The following FNDC3A variants were observed in gnomAD, a reference collection of about 807,000 sequenced individuals.
FNDC3A encodes the protein fibronectin type-III domain-containing protein 3A.
A neutral mutation model predicts 148.9 loss-of-function variants in FNDC3A; 32 were observed. The ratio of observed to expected loss-of-function variants is 0.21; its 90% confidence interval spans 0.16 to 0.29. FNDC3A has a LOEUF of 0.29. FNDC3A is among the 10% of genes least tolerant of loss of function. The pLI, the probability that FNDC3A is intolerant of heterozygous loss-of-function variation, is 1.00. For missense variants in FNDC3A, 1,191 were observed against 1,452.8 expected (o/e 0.82, Z 2.93); for synonymous variants, 472 against 473.6 (o/e 1.00, Z 0.04).
intron 2 of FNDC3A, among the ~76,000 whole-genome samples, chr13:49,037,994 G>A (rs1874626466): frequency 6.6e-6 from 1 of 152,160 alleles, no homozygotes; most frequent in South Asian, 2.1e-4. Flanking sequence ...GCTTTATTGA[G>A]TGGTAGAAGT....
intron 8 of FNDC3A, among the ~76,000 whole-genome samples, chr13:49,158,082 A>G (rs1030266348): frequency 3.2e-4 from 48 of 152,190 alleles, no homozygotes; most frequent in Middle Eastern, 3.4e-3. Context: ...TTGTTTACCT[A>G]AGCAAGCCAG....
intron 6 of FNDC3A, among the ~76,000 whole-genome samples, chr13:49,137,649 G>A (rs1882455156): frequency 6.6e-6 from 1 of 152,124 alleles, no homozygotes; most frequent in African/African-American, 2.4e-5. Context: ...TGGACTTTGA[G>A]CACTATTATT....
intron 2 of FNDC3A, among the ~76,000 whole-genome samples, chr13:49,019,430 G>C (rs915983965): frequency 1.3e-5 from 2 of 152,182 alleles, no homozygotes; most frequent in South Asian, 4.1e-4. Flanking sequence ...TTGTGCTTCC[G>C]GAGTGAGGCA....
At chr13:49,180,845 A>G (rs1299072522) in intron 14 of FNDC3A, among the ~76,000 whole-genome samples, 1 of 152,068 alleles carries the variant, frequency 6.6e-6, no homozygotes, top group African/African-American at 2.4e-5. Context: ...CAGTCAGCCA[A>G]GATTATGCCA....
chr13:49,201,994 C>A, intron 24 of FNDC3A, 28 bp downstream of exon 24: 1 of 1,357,012 alleles, frequency 7.4e-7, no homozygotes, highest in Non-Finnish European at 9.8e-7. Context: ...AACTTATTTT[C>A]TTTATAATAA....
At chr13:49,000,966 G>GTA (rs1331927035) in intron 1 of FNDC3A, among the ~76,000 whole-genome samples, 2 of 149,290 alleles carry the variant, frequency 1.3e-5, no homozygotes, top group Non-Finnish European at 3.0e-5. Flanking sequence ...TTGTGTGTTT[G>GTA]TGTGTGTGTG....
intron 2 of FNDC3A, chr13:49,044,246 A>T: frequency 4.9e-6 from 1 of 203,634 alleles, no homozygotes; most frequent in South Asian, 9.9e-5. Context: ...TTCCTCTACA[A>T]GCTGTCCTCC....
intron 7 of FNDC3A, 35 bp downstream of exon 7, chr13:49,138,840 T>TTAACATCTTATGC: frequency 9.0e-7 from 1 of 1,105,688 alleles, no homozygotes; most frequent in Non-Finnish European, 1.3e-6. Flanking sequence ...ATGTTTATAT[T>TTAACATCTTATGC]TAATATATTA....
intron 2 of FNDC3A, among the ~76,000 whole-genome samples, chr13:49,016,565 T>A (rs1321214449): frequency 6.6e-6 from 1 of 152,210 alleles, no homozygotes; most frequent in African/African-American, 2.4e-5. Flanking sequence ...CCTGGATTCA[T>A]TAATTTTTTG....
intron 8 of FNDC3A, among the ~76,000 whole-genome samples, chr13:49,161,620 T>G (rs554951531): frequency 6.6e-6 from 1 of 152,272 alleles, no homozygotes; most frequent in East Asian, 1.9e-4. Context: ...AAGTTAATAT[T>G]GTTATGCGTG....
intron 8 of FNDC3A, among the ~76,000 whole-genome samples, chr13:49,149,860 A>G (rs187427803): frequency 1.8e-3 from 268 of 152,164 alleles, no homozygotes; most frequent in African/African-American, 6.3e-3. Flanking sequence ...ATTCAATCTC[A>G]TTACTCGTTA....
At position 49,050,008 on chromosome 13, in the gene FNDC3A, C is replaced by T. The variant is rs187001585; in HGVS notation, c.100-25281C>T. Among the ~76,000 whole-genome samples the T allele has an allele frequency of 5.4e-3, 817 of 152,354 alleles. 6 individuals carry two copies. Among genetic ancestry groups the T allele is most frequent in the African/African-American group, 0.018 (765 of 41,584 alleles). ...GTGCTGAGATTATAGGCGTGAGCCA[C>T]GGCGAACAGCCTTCTCTCTTCTTTT... is the stretch of plus-strand genomic sequence containing the variant. On this transcript the variant is annotated intron_variant, in intron 2 of 25. Coordinates refer to ENST00000492622, the MANE Select transcript of FNDC3A (RefSeq NM_001079673.2).
At chr13:48,986,790 C>T (rs1951814822) in intron 1 of FNDC3A, among the ~76,000 whole-genome samples, 1 of 152,066 alleles carries the variant, frequency 6.6e-6, no homozygotes, top group East Asian at 1.9e-4. Context: ...AACAAAGAAT[C>T]TGGTCATCTC....
chr13:49,187,366 G>T, intron 16 of FNDC3A, 176 bp downstream of exon 16: 5 of 826,752 alleles, frequency 6.0e-6, no homozygotes, highest in South Asian at 1.6e-5. Context: ...AATGTCATAA[G>T]TTTATTGACA....
chr13:49,062,206 A>G (rs746404995), intron 2 of FNDC3A, among the ~76,000 whole-genome samples: 2 of 152,194 alleles, frequency 1.3e-5, no homozygotes, highest in African/African-American at 2.4e-5. Context: ...CCATTTACCA[A>G]AAAGAGTGAG....
chr13:49,034,144 A>C (rs1199718326), intron 2 of FNDC3A, among the ~76,000 whole-genome samples: 1 of 151,972 alleles, frequency 6.6e-6, no homozygotes, highest in African/African-American at 2.4e-5. Flanking sequence ...AGTTTTTATA[A>C]TTTGAATATA....
chr13:49,111,272 C>T (rs1196682680), intron 3 of FNDC3A, among the ~76,000 whole-genome samples: 2 of 152,160 alleles, frequency 1.3e-5, no homozygotes, highest in East Asian at 1.9e-4. Flanking sequence ...ACTATAGACA[C>T]AGGAGTAACA....
intron 2 of FNDC3A, among the ~76,000 whole-genome samples, chr13:49,073,271 G>A (rs1050054558): frequency 6.6e-6 from 1 of 152,032 alleles, no homozygotes; most frequent in Non-Finnish European, 1.5e-5. Context: ...ATATGCAAAG[G>A]GTTCATACAA....
chr13:49,113,084 C>T (rs1880681201), intron 3 of FNDC3A, among the ~76,000 whole-genome samples: 1 of 146,960 alleles, frequency 6.8e-6, no homozygotes, highest in Non-Finnish European at 1.5e-5. Context: ...CCTATTTCTC[C>T]ACATCGTTCC....
Sources: gnomAD v4.1 joint callset for allele counts (sites outside exome capture counted in the v4.1 genomes callset) on GRCh38, gnomAD v4.1.1 for gene constraint, MANE v1.5 for transcripts, NCBI Gene and HGNC (gene_info 2026-07-23, HGNC 2026-07-21) for gene names.